The following ZFPM2 variants were observed in gnomAD, a reference collection of about 807,000 sequenced individuals.
ZFPM2 encodes zinc finger protein ZFPM2.
In ZFPM2, 20 loss-of-function variants were observed where a neutral mutation model predicts 98.6. The ratio of observed to expected loss-of-function variants is 0.20; its 90% CI spans 0.14 to 0.29. The LOEUF (loss-of-function observed/expected upper bound fraction) is 0.29, where lower values mean the gene tolerates loss of function less well. ZFPM2 is among the 10% of genes least tolerant of loss of function. The probability of loss-of-function intolerance (pLI) is 1.00; values close to 1 mark genes in which losing one functional copy is unlikely to be tolerated. For missense variants in ZFPM2, 1,310 were observed against 1,388.6 expected (o/e 0.94, Z 0.90); for synonymous variants, 518 against 502.7 (o/e 1.03, Z -0.41).
At chr8:105,333,930 C>G (rs1015565814) in intron 1 of ZFPM2, among the ~76,000 whole-genome samples, 1 of 151,560 alleles carries the variant, frequency 6.6e-6, no homozygotes, top group Non-Finnish European at 1.5e-5. Context: ...GGAATGAGGT[C>G]TGAGAGTTTA....
chr8:105,461,322 C>T (rs1485196290), intron 3 of ZFPM2, among the ~76,000 whole-genome samples: 1 of 152,030 alleles, frequency 6.6e-6, no homozygotes, highest in Admixed American at 6.6e-5. Flanking sequence ...ATGAAGATGG[C>T]ATTATATTTA....
Position 105,803,016 on chromosome 8 carries a change from C to A in ZFPM2, c.2934C>A (p.Ala978=). 1.2e-6 allele frequency: 2 copies of A among 1,613,022 alleles called. No homozygotes were observed. Among genetic ancestry groups the A allele is most frequent in the Non-Finnish European group, 1.7e-6 (2 of 1,179,504 alleles). The change falls in exon 8 of 8, where the codon GCC becomes GCA. Residue 978 remains alanine, a synonymous_variant. Transcript: ENST00000407775. The part of the protein sequence containing the change: ...YPGAIKKAKG[A]DQLSPYYGIK... ...GAGCAATAAAGAAAGCAAAAGGAGCCGACCAGCTTTCTCCATATTATGGAA... is the reference window on the plus strand; with the variant it reads ...GAGCAATAAAGAAAGCAAAAGGAGCAGACCAGCTTTCTCCATATTATGGAA...
At chr8:105,321,999 A>G (rs965770755) in intron 1 of ZFPM2, among the ~76,000 whole-genome samples, 3 of 152,070 alleles carry the variant, frequency 2.0e-5, no homozygotes, top group African/African-American at 7.2e-5. Flanking sequence ...CCCAAAATTC[A>G]GATTTTTTTT....
chr8:105,490,272 G>C (rs972759858), intron 3 of ZFPM2, among the ~76,000 whole-genome samples: 1 of 152,124 alleles, frequency 6.6e-6, no homozygotes, highest in African/African-American at 2.4e-5. Flanking sequence ...TGATATCCTA[G>C]CAAGTTTAAA....
rs1799535937 is a variant in ZFPM2 at position 105,767,199 on chromosome 8, T to G, written c.533-21519T>G. Among the ~76,000 whole-genome samples, 4 of 151,956 alleles carry G rather than the reference T, an allele frequency of 2.6e-5. No individual in the cohort carries two copies. The South Asian group carries it at 8.3e-4, about 31-fold the overall frequency. On this transcript the variant is annotated intron_variant, in intron 5 of 7. Coordinates refer to ENST00000407775, the MANE Select transcript of ZFPM2 (RefSeq NM_012082.4). Reference sequence around the variant, plus strand: ...TTCAAATGATGTGCTTTACAAAGCATGGTTTGATTTTACATACCATCCTGT... The same window carrying G: ...TTCAAATGATGTGCTTTACAAAGCAGGGTTTGATTTTACATACCATCCTGT...
chr8:105,453,142 ATTAG>A (rs1429193006), intron 3 of ZFPM2, among the ~76,000 whole-genome samples: 6 of 152,316 alleles, frequency 3.9e-5, no homozygotes, highest in East Asian at 3.9e-4. Context: ...ACACAGATAA[ATTAG>A]TTAGGGCAAG....
intron 4 of ZFPM2, among the ~76,000 whole-genome samples, chr8:105,628,266 T>C (rs1816695030): frequency 6.6e-6 from 1 of 152,216 alleles, no homozygotes; most frequent in Non-Finnish European, 1.5e-5. Context: ...CCTTTTGTTA[T>C]ACTTCAACTG....
rs557797976 is a variant in ZFPM2, at chr8:105,482,257, G to A, written c.301+37876G>A. 3.5e-3 allele frequency among the ~76,000 whole-genome samples: 533 copies of A among 152,126 alleles called. 3 individuals are homozygous for A. Among genetic ancestry groups the A allele is most frequent in the Non-Finnish European group, 6.3e-3 (430 of 67,976 alleles). ...TTATCTAATTACTCTATCCTTAATA[G>A]TGATTTTTTTGGCTATAATTCTGTT... On this transcript the variant is annotated intron_variant, in intron 3 of 7. Transcript: ENST00000407775.
chr8:105,791,939 C>G (rs555064404), intron 6 of ZFPM2, among the ~76,000 whole-genome samples: 1 of 151,994 alleles, frequency 6.6e-6, no homozygotes, highest in Admixed American at 6.6e-5. Context: ...TGGTGATATC[C>G]CCTTTATCAT....
chr8:105,753,054 A>G (rs1191293630), intron 5 of ZFPM2, among the ~76,000 whole-genome samples: 1 of 152,126 alleles, frequency 6.6e-6, no homozygotes, highest in Non-Finnish European at 1.5e-5. Context: ...ACACCTGAGC[A>G]GGATCAACGT....
intron 5 of ZFPM2, among the ~76,000 whole-genome samples, chr8:105,784,042 A>AATG (rs1381959913): frequency 6.6e-6 from 1 of 152,008 alleles, no homozygotes; most frequent in African/African-American, 2.4e-5. Context: ...TTTTTTTTAT[A>AATG]ATGATGCCCT....
rs762201998 is a variant in ZFPM2 at position 105,430,803 on chromosome 8, C to T, written c.199+11501C>T. On this transcript the variant is annotated intron_variant, in intron 2 of 7. Coordinates refer to ENST00000407775, the MANE Select transcript of ZFPM2 (RefSeq NM_012082.4). ...GGGACCTAGAATACTCTTTTTTACC[C>T]AGAGATGTGGAAACTCTGTTAGGAT... Among the ~76,000 whole-genome samples the T allele has an allele frequency of 2.6e-4, 39 of 151,984 alleles. 1 individual carries two copies. Among genetic ancestry groups the T allele is most frequent in the Non-Finnish European group, 4.1e-4 (28 of 68,022 alleles).
At chr8:105,391,575 G>C (rs566858424) in intron 1 of ZFPM2, among the ~76,000 whole-genome samples, 1 of 151,652 alleles carries the variant, frequency 6.6e-6, no homozygotes, top group African/African-American at 2.4e-5. Context: ...CTTATGCGTC[G>C]TCAATAATGT....
At chr8:105,329,220 G>T (rs571901093) in intron 1 of ZFPM2, among the ~76,000 whole-genome samples, 1 of 151,834 alleles carries the variant, frequency 6.6e-6, no homozygotes, top group South Asian at 2.1e-4. Flanking sequence ...TGGCTTTTGC[G>T]ATAGAAGATG....
At chr8:105,431,787 G>A (rs1812024860) in intron 2 of ZFPM2, among the ~76,000 whole-genome samples, 1 of 152,044 alleles carries the variant, frequency 6.6e-6, no homozygotes, top group Non-Finnish European at 1.5e-5. Flanking sequence ...GGGCATGGTG[G>A]TGCATACCTG....
At chr8:105,611,830 C>T (rs572189947) in intron 4 of ZFPM2, among the ~76,000 whole-genome samples, 1 of 151,866 alleles carries the variant, frequency 6.6e-6, no homozygotes, top group African/African-American at 2.4e-5. Context: ...TCCCGAGTAG[C>T]TGGGATTACA....
intron 4 of ZFPM2, among the ~76,000 whole-genome samples, chr8:105,585,760 G>A (rs868180228): frequency 2.6e-5 from 4 of 152,070 alleles, no homozygotes; most frequent in African/African-American, 9.7e-5. Flanking sequence ...TTGACCCCAG[G>A]AGTTTGAGGT....
chr8:105,418,259 A>G (rs1438042981), intron 1 of ZFPM2, among the ~76,000 whole-genome samples: 1 of 152,122 alleles, frequency 6.6e-6, no homozygotes, highest in Non-Finnish European at 1.5e-5. Flanking sequence ...TTTGGATAAA[A>G]TGCCACATCA....
intron 1 of ZFPM2, among the ~76,000 whole-genome samples, chr8:105,320,325 C>T (rs1812001775): frequency 6.7e-6 from 1 of 149,514 alleles, no homozygotes; most frequent in African/African-American, 2.5e-5. Context: ...GACTTTCTAG[C>T]TTTTATTTCT....
Sources: allele counts gnomAD v4.1 joint callset (sites outside exome capture counted in the v4.1 genomes callset), GRCh38; gene constraint gnomAD v4.1.1; transcripts MANE v1.5; gene names NCBI Gene and HGNC (gene_info 2026-07-23, HGNC 2026-07-21).